HNRNPLL: variants seen among roughly 807,000 people sequenced by gnomAD.
The protein encoded by HNRNPLL is heterogeneous nuclear ribonucleoprotein L-like.
In HNRNPLL, 25 loss-of-function variants were observed where a neutral mutation model predicts 67.1. That is an observed-to-expected ratio of 0.37 (90% confidence interval 0.27 to 0.52). HNRNPLL has a LOEUF of 0.52. HNRNPLL is among the 20% of genes least tolerant of loss of function. The pLI, the probability that HNRNPLL is intolerant of heterozygous loss-of-function variation, is 0.90. For synonymous variants in HNRNPLL, 267 were observed against 241.7 expected, an observed-to-expected ratio of 1.10 and a Z score of -0.97; for missense variants, 542 against 673.9, an observed-to-expected ratio of 0.80 and a Z score of 2.17.
At chr2:38,582,029 A>G in intron 5 of HNRNPLL, 43 bp downstream of exon 5, 1 of 1,598,324 alleles carries the variant, frequency 6.3e-7, no homozygotes, top group East Asian at 2.2e-5. Flanking sequence ...GCATATCCAA[A>G]GCATAAATAT....
intron 1 of HNRNPLL, among the ~76,000 whole-genome samples, chr2:38,595,585 C>T (rs1049708714): frequency 2.8e-4 from 43 of 152,326 alleles, no homozygotes; most frequent in Non-Finnish European, 5.6e-4. Flanking sequence ...TGGCTCACGC[C>T]TGTAATGCCA....
At chr2:38,587,670 A>T (rs575703401) in intron 2 of HNRNPLL, among the ~76,000 whole-genome samples, 1 of 152,282 alleles carries the variant, frequency 6.6e-6, no homozygotes, top group African/African-American at 2.4e-5. Context: ...ACAAAACAAA[A>T]AAGTTGGTTT....
At chr2:38,580,214 A>G (rs530725738) in intron 6 of HNRNPLL, among the ~76,000 whole-genome samples, 1 of 152,350 alleles carries the variant, frequency 6.6e-6, no homozygotes, top group East Asian at 1.9e-4. Flanking sequence ...GAAGTGAGAC[A>G]TTTCTCATCA....
intron 4 of HNRNPLL, 22 bp from the exon 5 acceptor site, chr2:38,582,190 C>T (rs1192913097): frequency 7.8e-6 from 12 of 1,540,382 alleles, no homozygotes; most frequent in South Asian, 2.2e-5. Context: ...TAAGGAAATT[C>T]GGTTTAAGGT....
chr2:38,588,546 CAAAAAAAA>C lies in HNRNPLL; in HGVS notation c.309-2673_309-2666del, dbSNP rs70954733. On this transcript the variant is annotated intron_variant, in intron 2 of 12. Coordinates refer to ENST00000449105, the MANE Select transcript of HNRNPLL (RefSeq NM_138394.4). ...TGGGTGACAGAGTGAAACTCCATCTCAAAAAAAAAAAAAAAAAAAAAGGGTGAGCTAAA... is the reference window on the plus strand; with the variant it reads ...TGGGTGACAGAGTGAAACTCCATCTCAAAAAAAAAAAAAGGGTGAGCTAAA... Among the ~76,000 whole-genome samples the C allele has an allele frequency of 7.8e-5, 4 of 51,018 alleles. 1 individual carries two copies. The highest frequency in any genetic ancestry group is 1.7e-4 in the African/African-American group (3 of 18,172). 33.5% of individuals were successfully genotyped at this position (51,018 alleles called of 152,430 possible).
intron 3 of HNRNPLL, among the ~76,000 whole-genome samples, chr2:38,585,223 A>G (rs1014715333): frequency 6.6e-6 from 1 of 152,238 alleles, no homozygotes; most frequent in Non-Finnish European, 1.5e-5. Flanking sequence ...TAAATCAAAG[A>G]CAGATTTTTA....
chr2:38,591,562 G>T lies in HNRNPLL; in HGVS notation c.276C>A (p.Leu92=). ...GLCESVVEAD[L]VEALEKFGTI... The stretch of plus-strand genomic sequence containing the variant: ...TCCCAAATTTTTCCAGCGCTTCCAC[G>T]AGGTCTGCTTCCACCACAGATTCAC... Residue 92 remains leucine (L), a synonymous_variant, in exon 2 of 13, where the codon CTC becomes CTA. Transcript: ENST00000449105. The T allele has an allele frequency of 6.2e-7, 1 of 1,613,040 alleles. No homozygotes were observed. The highest frequency in any genetic ancestry group is 1.1e-5 in the South Asian group (1 of 91,050).
intron 3 of HNRNPLL, among the ~76,000 whole-genome samples, chr2:38,584,610 T>C (rs1666653321): frequency 6.6e-6 from 1 of 152,206 alleles, no homozygotes; most frequent in Non-Finnish European, 1.5e-5. Flanking sequence ...TATAATCACT[T>C]GTGTTATAGT....
At chr2:38,599,763 T>C (rs948701450) in intron 1 of HNRNPLL, 1 of 371,524 alleles carries the variant, frequency 2.7e-6, no homozygotes, top group Non-Finnish European at 5.5e-6. Flanking sequence ...CTTTCCTCTT[T>C]AAATGTAGTC....
intron 2 of HNRNPLL, among the ~76,000 whole-genome samples, chr2:38,589,212 A>G (rs1666865824): frequency 6.6e-6 from 1 of 152,192 alleles, no homozygotes. Context: ...CAACACAACC[A>G]TTTTTAATAT....
intron 7 of HNRNPLL, 85 bp downstream of exon 7, chr2:38,577,376 G>C: frequency 1.2e-6 from 1 of 866,830 alleles, no homozygotes; most frequent in Non-Finnish European, 2.0e-6. Context: ...AGGAAAAATA[G>C]ACAAGAAATG....
intron 7 of HNRNPLL, among the ~76,000 whole-genome samples, chr2:38,574,568 CT>C (rs1573728533): frequency 6.6e-6 from 1 of 151,922 alleles, no homozygotes. Context: ...TTACTAAGAA[CT>C]ACTAAATTTT....
rs548891735 is a variant in HNRNPLL, at chr2:38,563,835, A to C, written c.*347T>G. 1.7e-5 allele frequency: 3 copies of C among 177,710 alleles called. No individual in the cohort carries two copies. The highest frequency in any genetic ancestry group is 7.1e-5 in the African/African-American group (3 of 42,398). 11.0% of individuals were successfully genotyped at this position (177,710 alleles called of 1,614,324 possible). A position where few individuals can be genotyped will look rare whatever the true frequency, so the allele number is the denominator to read the frequency against. The stretch of plus-strand genomic sequence containing the variant: ...AAAATGCAATACTTTCACCTGCATT[A>C]ATCTCTTACACAATGAAAAAATACT... On this transcript the variant is annotated 3_prime_UTR_variant, in exon 13 of 13. Transcript: ENST00000449105.
Position 38,569,166 on chromosome 2 carries a change from A to T in HNRNPLL, c.1383T>A (p.Val461=). 1 of 1,612,594 alleles carries T rather than the reference A, an allele frequency of 6.2e-7. No individual in the cohort carries two copies. Among genetic ancestry groups the T allele is most frequent in the South Asian group, 1.1e-5 (1 of 91,054 alleles). ...AGGTCTCTTCTGTGACACACAATGGAACATTATAATAATGCAAAACACAGG... is the reference window on the plus strand; with the variant it reads ...AGGTCTCTTCTGTGACACACAATGGTACATTATAATAATGCAAAACACAGG... The part of the protein sequence containing the change: ...PPSCVLHYYN[V]PLCVTEETFT... Residue 461 remains valine, a synonymous_variant, in exon 10 of 13, where the codon GTT becomes GTA. Transcript: ENST00000449105.
At chr2:38,596,200 G>A (rs1476046342) in intron 1 of HNRNPLL, among the ~76,000 whole-genome samples, 1 of 151,948 alleles carries the variant, frequency 6.6e-6, no homozygotes, top group Admixed American at 6.6e-5. Context: ...TACTCATACT[G>A]TTCTTAAATC....
intron 8 of HNRNPLL, among the ~76,000 whole-genome samples, chr2:38,570,635 A>G (rs184045978): frequency 6.7e-4 from 102 of 152,280 alleles, no homozygotes; most frequent in South Asian, 5.0e-3. Flanking sequence ...ATGAAGTATG[A>G]TATCATTCAG....
chr2:38,592,126 T>G (rs1218031688), intron 1 of HNRNPLL, among the ~76,000 whole-genome samples: 1 of 152,234 alleles, frequency 6.6e-6, no homozygotes, highest in African/African-American at 2.4e-5. Flanking sequence ...ATGTTTGTTT[T>G]AAAATTTTTA....
intron 8 of HNRNPLL, among the ~76,000 whole-genome samples, chr2:38,571,273 A>C (rs1666071551): frequency 6.6e-6 from 1 of 152,222 alleles, no homozygotes; most frequent in Non-Finnish European, 1.5e-5. Context: ...TACTATAATA[A>C]AAATTACGTG....
chr2:38,584,652 C>T (rs186577514), intron 3 of HNRNPLL, among the ~76,000 whole-genome samples: 38 of 152,070 alleles, frequency 2.5e-4, no homozygotes, highest in Admixed American at 6.5e-4. Flanking sequence ...AATATTAGAA[C>T]AACTCTGGTA....
Sources: gnomAD v4.1 joint callset for allele counts (sites outside exome capture counted in the v4.1 genomes callset) on GRCh38, gnomAD v4.1.1 for gene constraint, MANE v1.5 for transcripts, NCBI Gene and HGNC (gene_info 2026-07-23, HGNC 2026-07-21) for gene names.